SCHIP1: variants seen among roughly 807,000 people sequenced by gnomAD.
SCHIP1 encodes schwannomin interacting protein 1, also known as schwannomin-interacting protein 1.
A neutral mutation model predicts 29.7 loss-of-function variants in SCHIP1; 8 were observed. The observed-to-expected ratio is 0.27, with a 90% CI of 0.16 to 0.49. SCHIP1 has a LOEUF of 0.49. Ranked by LOEUF, SCHIP1 falls within the 20% of genes least tolerant of loss-of-function variation. The pLI is 0.99. For missense variants in SCHIP1, 193 were observed against 294.6 expected (o/e 0.66, Z 2.52); for synonymous variants, 76 against 94.9 (o/e 0.80, Z 1.16).
At chr3:159,705,244 GT>G in the SCHIP1 span, among the ~76,000 whole-genome samples, 867 of 152,154 alleles carry the variant, frequency 5.7e-3, 14 homozygotes, top group African/African-American at 0.02. Context: ...GATTACAGGC[GT>G]GAACCACGGT....
the SCHIP1 span, among the ~76,000 whole-genome samples, chr3:159,436,788 T>C: frequency 6.6e-6 from 1 of 152,070 alleles, no homozygotes; most frequent in Non-Finnish European, 1.5e-5. Context: ...TGAGCTTTAG[T>C]GAGAGTGAGG....
the SCHIP1 span, among the ~76,000 whole-genome samples, chr3:159,385,418 A>G: frequency 6.6e-6 from 1 of 152,188 alleles, no homozygotes; most frequent in South Asian, 2.1e-4. Flanking sequence ...ATTAGCAGGT[A>G]TGGTGGCGTA....
the SCHIP1 span, among the ~76,000 whole-genome samples, chr3:159,409,232 C>G: frequency 2.0e-5 from 3 of 151,918 alleles, no homozygotes; most frequent in African/African-American, 7.3e-5. Flanking sequence ...TGGAACATGA[C>G]AAGGATACCC....
chr3:159,773,191 G>C, the SCHIP1 span, among the ~76,000 whole-genome samples: 1 of 152,190 alleles, frequency 6.6e-6, no homozygotes, highest in Non-Finnish European at 1.5e-5. Flanking sequence ...GTTGCTTGAT[G>C]CTCCCTGTGC....
the SCHIP1 span, among the ~76,000 whole-genome samples, chr3:159,392,940 G>C: frequency 2.0e-5 from 3 of 152,286 alleles, no homozygotes; most frequent in Non-Finnish European, 2.9e-5. Context: ...CAGTGTAAAA[G>C]TGTTCCTACC....
intron 1 of SCHIP1, among the ~76,000 whole-genome samples, chr3:159,852,668 G>C (rs1712800899): frequency 6.6e-6 from 1 of 152,144 alleles, no homozygotes; most frequent in Admixed American, 6.5e-5. Flanking sequence ...ATAGAACAAA[G>C]CACTGCTCCC....
At chr3:159,317,539 A>G in the SCHIP1 span, among the ~76,000 whole-genome samples, 3 of 152,188 alleles carry the variant, frequency 2.0e-5, no homozygotes, top group Non-Finnish European at 4.4e-5. Context: ...ACTGGTTCAG[A>G]GCATACATGG....
the SCHIP1 span, among the ~76,000 whole-genome samples, chr3:159,659,357 G>A: frequency 6.6e-6 from 1 of 152,218 alleles, no homozygotes; most frequent in South Asian, 2.1e-4. Flanking sequence ...AAGGTGGCCA[G>A]GTACAAGGCT....
At chr3:159,628,352 G>T in the SCHIP1 span, among the ~76,000 whole-genome samples, 1 of 152,172 alleles carries the variant, frequency 6.6e-6, no homozygotes, top group Non-Finnish European at 1.5e-5. Context: ...ACATCATCCA[G>T]AGCATCTTCA....
the SCHIP1 span, among the ~76,000 whole-genome samples, chr3:159,551,855 G>C: frequency 6.6e-6 from 1 of 152,102 alleles, no homozygotes; most frequent in East Asian, 1.9e-4. Context: ...ATTCAGATTG[G>C]AGGTAAGTTA....
the SCHIP1 span, among the ~76,000 whole-genome samples, chr3:159,371,220 T>C: frequency 6.6e-6 from 1 of 152,322 alleles, no homozygotes; most frequent in Admixed American, 6.5e-5. Context: ...TGAACATGTG[T>C]AGCTTGCCAT....
the SCHIP1 span, among the ~76,000 whole-genome samples, chr3:159,784,399 C>G: frequency 6.6e-6 from 1 of 152,204 alleles, no homozygotes; most frequent in Admixed American, 6.5e-5. Flanking sequence ...GTTTTTCTTT[C>G]ATCTTGACAC....
the SCHIP1 span, among the ~76,000 whole-genome samples, chr3:159,685,456 G>A: frequency 1.3e-5 from 2 of 152,020 alleles, no homozygotes; most frequent in Admixed American, 6.6e-5. Context: ...TAGAATCAAC[G>A]ACCCAAAATT....
chr3:159,500,612 G>C, the SCHIP1 span, among the ~76,000 whole-genome samples: 4 of 152,024 alleles, frequency 2.6e-5, no homozygotes, highest in East Asian at 7.7e-4. Flanking sequence ...TACTCGGGAG[G>C]CTGAGGCAGG....
the SCHIP1 span, among the ~76,000 whole-genome samples, chr3:159,305,662 T>C: frequency 1.3e-5 from 2 of 152,336 alleles, no homozygotes; most frequent in Non-Finnish European, 2.9e-5. Context: ...GACAGAGTTA[T>C]AATAAGTGCC....
the SCHIP1 span, among the ~76,000 whole-genome samples, chr3:159,337,465 A>T: frequency 1.4e-4 from 21 of 152,182 alleles, no homozygotes; most frequent in Admixed American, 1.4e-3. Flanking sequence ...CTCAGCCCAA[A>T]ACTCCCTAAG....
At chr3:159,776,517 G>A in the SCHIP1 span, among the ~76,000 whole-genome samples, 1 of 152,074 alleles carries the variant, frequency 6.6e-6, no homozygotes, top group Non-Finnish European at 1.5e-5. Context: ...CACTCGAATT[G>A]TATAACCAGT....
chr3:159,532,446 T>G, the SCHIP1 span, among the ~76,000 whole-genome samples: 1 of 152,156 alleles, frequency 6.6e-6, no homozygotes, highest in Non-Finnish European at 1.5e-5. Context: ...GCACTGCAAA[T>G]GCAAAACAGT....
the SCHIP1 span, among the ~76,000 whole-genome samples, chr3:159,574,267 T>C: frequency 2.6e-5 from 4 of 152,370 alleles, no homozygotes; most frequent in African/African-American, 9.6e-5. Flanking sequence ...CTTTGGTCTT[T>C]GATGTTGGTG....
Sources: gnomAD v4.1 joint callset for allele counts (sites outside exome capture counted in the v4.1 genomes callset) on GRCh38, gnomAD v4.1.1 for gene constraint, MANE v1.5 for transcripts, NCBI Gene and HGNC (gene_info 2026-07-23, HGNC 2026-07-21) for gene names.